Variants in PDE11A observed in about 807,000 individuals in gnomAD.
PDE11A encodes phosphodiesterase 11A.
In PDE11A, 100 loss-of-function variants were observed where a neutral mutation model predicts 100.5. The observed-to-expected ratio is 1.00, with a 90% CI of 0.85 to 1.18. The LOEUF (loss-of-function observed/expected upper bound fraction) is 1.18. Among genes scored for constraint, PDE11A ranks in the 50% most tolerant of loss-of-function variants. The probability of loss-of-function intolerance (pLI) is 0.00; values close to 1 mark genes in which losing one functional copy is unlikely to be tolerated. For synonymous variants in PDE11A, 381 were observed against 420.8 expected, an observed-to-expected ratio of 0.91 and a Z score of 1.16; for missense variants, 1,141 against 1,152.6, an observed-to-expected ratio of 0.99 and a Z score of 0.15.
At chr2:178,036,441 A>G (rs891036623) in intron 1 of PDE11A, among the ~76,000 whole-genome samples, 2 of 152,236 alleles carry the variant, frequency 1.3e-5, no homozygotes, top group Non-Finnish European at 2.9e-5. Context: ...AAATGGTCAT[A>G]CTGCCCAAAG....
chr2:177,630,360 C>G (rs1949966), intron 19 of PDE11A, among the ~76,000 whole-genome samples: 3 of 152,078 alleles, frequency 2.0e-5, no homozygotes, highest in African/African-American at 7.3e-5. Context: ...CTTGTCTCAC[C>G]GCTCCTGGGT....
Position 178,089,462 on chromosome 2 carries a change from A to G in PDE11A, c.162+14840T>C, listed in dbSNP as rs536542104. ...ACTAAGAGGAAACGCCAGGTGTAAGAGACAATTCTGGCCAAACCAACTTAA... is the reference window on the plus strand; with the variant it reads ...ACTAAGAGGAAACGCCAGGTGTAAGGGACAATTCTGGCCAAACCAACTTAA... On this transcript the variant is annotated intron_variant, in intron 2 of 20. Transcript: ENST00000358450. Among the ~76,000 whole-genome samples, 11 of 152,320 alleles carry G rather than the reference A, an allele frequency of 7.2e-5. No homozygotes were observed. The South Asian group carries it at 2.3e-3, about 32-fold the overall frequency.
In PDE11A at chr2:177,928,059, G is replaced by A. The variant is rs1282603741; in HGVS notation, c.1072-22872C>T. Reference sequence around the variant, plus strand: ...GTGGAGGTTGTGGTGAGCCGAGATCGCGCCATTGCACTCCAGCCTGGGCAA... The same window carrying A: ...GTGGAGGTTGTGGTGAGCCGAGATCACGCCATTGCACTCCAGCCTGGGCAA... On this transcript the variant is annotated intron_variant, in intron 2 of 19. Transcript: ENST00000286063. 9.9e-5 allele frequency among the ~76,000 whole-genome samples: 14 copies of A among 141,634 alleles called. No individual in the cohort carries two copies. In the East Asian group the frequency reaches 2.7e-3, roughly 27 times the overall value. The allele number at this position is 141,634 out of a possible 152,430, so 92.9% of individuals were successfully genotyped here.
intron 1 of PDE11A, among the ~76,000 whole-genome samples, chr2:178,033,574 G>A (rs1290870404): frequency 6.6e-6 from 1 of 152,070 alleles, no homozygotes; most frequent in Non-Finnish European, 1.5e-5. Flanking sequence ...TCCTCAAGAA[G>A]AGCAACCCCA....
At chr2:177,677,950 G>A (rs1271409289) in intron 16 of PDE11A, 1 of 152,080 alleles carries the variant, frequency 6.6e-6, no homozygotes, top group Non-Finnish European at 1.5e-5. Flanking sequence ...GATTTGTTCT[G>A]TAGTTGTAAA....
chr2:177,957,094 AAAAC>A (rs1246292273), intron 2 of PDE11A, among the ~76,000 whole-genome samples: 2 of 152,126 alleles, frequency 1.3e-5, no homozygotes, highest in Admixed American at 1.3e-4. Context: ...AAAACAAAAA[AAAAC>A]AAACAAGGGG....
chr2:177,713,987 CTTTTTT>C (rs57211363), intron 12 of PDE11A, among the ~76,000 whole-genome samples: 74 of 77,400 alleles, frequency 9.6e-4, no homozygotes, highest in South Asian at 6.8e-3. Flanking sequence ...TTTCTTTTTT[CTTTTTT>C]TTTTTTTTTT....
chr2:177,851,938 C>G (rs949395207), intron 5 of PDE11A, among the ~76,000 whole-genome samples: 1 of 152,064 alleles, frequency 6.6e-6, no homozygotes. Flanking sequence ...GTGCACTGTT[C>G]CCCTCTAGGT....
Position 178,014,350 on chromosome 2 carries a change from C to T in PDE11A, c.1023G>A (p.Ala341=), listed in dbSNP as rs373110295. 1.2e-5 allele frequency: 19 copies of T among 1,612,846 alleles called. No individual in the cohort carries two copies. Among genetic ancestry groups the T allele is most frequent in the Middle Eastern group, 1.6e-4 (1 of 6,070 alleles). ...SDGEIIGVAQ[A]INKIPEGAPF... The stretch of plus-strand genomic sequence containing the variant: ...GAGCTCCTTCAGGAATCTTATTTAT[C>T]GCTTGGGCCACACCAATAATCTCAC... Residue 341 remains alanine, a synonymous_variant, in exon 2 of 20, where the codon GCG becomes GCA. Coordinates refer to ENST00000286063, the MANE Select transcript of PDE11A (RefSeq NM_016953.4).
At chr2:177,891,604 A>G (rs1485090308) in intron 4 of PDE11A, among the ~76,000 whole-genome samples, 1 of 152,218 alleles carries the variant, frequency 6.6e-6, no homozygotes, top group Admixed American at 6.5e-5. Context: ...TTACATTGGC[A>G]TTACAGAAAT....
At position 177,728,071 on chromosome 2, in the gene PDE11A, C is replaced by T; in HGVS notation, c.1890G>A (p.Met630Ile). 6.2e-7 allele frequency: 1 copy of T among 1,613,198 alleles called. No individual in the cohort carries two copies. Among genetic ancestry groups the T allele is most frequent in the Non-Finnish European group, 8.5e-7 (1 of 1,179,292 alleles). ...VDAMITAALRMFMELGMVQKF... is the reference protein window; with the variant it reads ...VDAMITAALRIFMELGMVQKF... Reference sequence around the variant, plus strand: ...TCTGTACCATCCCCAGCTCCATGAACATCCGGAGAGCAGCTGTGATCATGG... The same window carrying T: ...TCTGTACCATCCCCAGCTCCATGAATATCCGGAGAGCAGCTGTGATCATGG... The change falls in exon 11 of 20, where the codon ATG (methionine) becomes ATA (isoleucine). Residue 630 changes from methionine to isoleucine, a missense_variant. Transcript: ENST00000286063.
intron 19 of PDE11A, among the ~76,000 whole-genome samples, chr2:177,634,546 C>G (rs1047767339): frequency 6.6e-6 from 1 of 152,026 alleles, no homozygotes; most frequent in Non-Finnish European, 1.5e-5. Flanking sequence ...CGCCACCACG[C>G]CTGGCTAATT....
At chr2:178,090,042 C>T (rs943374082) in intron 2 of PDE11A, among the ~76,000 whole-genome samples, 6 of 152,194 alleles carry the variant, frequency 3.9e-5, no homozygotes, top group African/African-American at 1.2e-4. Flanking sequence ...GGGCCCTGAA[C>T]TGACCTTCCA....
chr2:177,703,600 C>T (rs1444432230), intron 13 of PDE11A, among the ~76,000 whole-genome samples: 1 of 152,192 alleles, frequency 6.6e-6, no homozygotes, highest in Non-Finnish European at 1.5e-5. Flanking sequence ...GCCATGCTCA[C>T]ATGCACCTCA....
intron 2 of PDE11A, among the ~76,000 whole-genome samples, chr2:177,923,369 CAAA>C (rs5836634): frequency 2.0e-5 from 3 of 147,782 alleles, no homozygotes; most frequent in Non-Finnish European, 1.5e-5. Flanking sequence ...TCTCCCCCAG[CAAA>C]AAAAAAAAGG....
intron 19 of PDE11A, among the ~76,000 whole-genome samples, chr2:177,663,267 A>G (rs963703321): frequency 5.9e-5 from 9 of 152,196 alleles, no homozygotes; most frequent in Non-Finnish European, 1.3e-4. Flanking sequence ...AAACATTAGC[A>G]CATCTCGCTC....
intron 14 of PDE11A, among the ~76,000 whole-genome samples, chr2:177,697,753 C>T (rs2081135203): frequency 6.6e-6 from 1 of 152,166 alleles, no homozygotes; most frequent in Non-Finnish European, 1.5e-5. Flanking sequence ...TATGGAATTA[C>T]TTAGAGGAGA....
rs1446568457 is a variant in PDE11A, at chr2:177,795,825, ACT to A, written c.1737+21002_1737+21003del. ...GAAATGTGGATCCCACCTCCCTAAGACTCTGCATCATCACATACTTTCAGGTG... is the reference window on the plus strand; with the variant it reads ...GAAATGTGGATCCCACCTCCCTAAGACTGCATCATCACATACTTTCAGGTG... On this transcript the variant is annotated intron_variant, in intron 9 of 19. Coordinates refer to ENST00000286063, the MANE Select transcript of PDE11A (RefSeq NM_016953.4). 2.5e-4 allele frequency among the ~76,000 whole-genome samples: 38 copies of A among 150,796 alleles called. 1 individual carries two copies. Among genetic ancestry groups the A allele is most frequent in the South Asian group, 6.4e-4 (3 of 4,716 alleles).
chr2:177,935,225 A>G (rs2085257054), intron 2 of PDE11A, among the ~76,000 whole-genome samples: 1 of 152,174 alleles, frequency 6.6e-6, no homozygotes, highest in Non-Finnish European at 1.5e-5. Context: ...GTCTTTTTGA[A>G]TTATGTAATT....
Sources: gnomAD v4.1 joint callset for allele counts (sites outside exome capture counted in the v4.1 genomes callset) on GRCh38, gnomAD v4.1.1 for gene constraint, MANE v1.5 for transcripts, NCBI Gene and HGNC (gene_info 2026-07-23, HGNC 2026-07-21) for gene names.